The following DENND1A variants were observed in gnomAD, a reference collection of about 807,000 sequenced individuals.
DENND1A encodes DENN domain containing 1A, also known as DENN domain-containing protein 1A.
Under a neutral mutation model 113.7 loss-of-function variants are expected in DENND1A, and 51 were observed. The ratio of observed to expected loss-of-function variants is 0.45; its 90% CI spans 0.36 to 0.57. DENND1A has a LOEUF of 0.57. Among genes scored for constraint, DENND1A ranks in the 20% least tolerant of loss-of-function variants. The pLI is 0.00. For missense variants in DENND1A, 1,258 were observed against 1,395.9 expected, an observed-to-expected ratio of 0.90 and a Z score of 1.57; for synonymous variants, 565 against 570.8, an observed-to-expected ratio of 0.99 and a Z score of 0.14.
In DENND1A at chr9:123,457,409, G is replaced by C. The variant is rs750371036; in HGVS notation, c.1125C>G (p.Leu375=). ...KQFIDGRLDL[L]NSGEGFSDVF... Reference sequence around the variant, plus strand: ...CATCACTGAAACCTTCGCCGGAATTGAGAAGATCTAATCGACCATCAATAA... The same window carrying C: ...CATCACTGAAACCTTCGCCGGAATTCAGAAGATCTAATCGACCATCAATAA... Residue 375 remains leucine (L), a synonymous_variant, in exon 15 of 24, where the codon CTC becomes CTG. Coordinates refer to ENST00000394215, the MANE Select transcript of DENND1A (RefSeq NM_001352964.2). 5.6e-6 allele frequency: 9 copies of C among 1,613,872 alleles called. No individual in the cohort carries two copies. The highest frequency in any genetic ancestry group is 6.8e-6 in the Non-Finnish European group (8 of 1,179,922).
At chr9:123,841,982 C>T (rs1427103545) in intron 2 of DENND1A, among the ~76,000 whole-genome samples, 1 of 152,148 alleles carries the variant, frequency 6.6e-6, no homozygotes. Context: ...ATTTCAGATA[C>T]TTTTCAGGCA....
chr9:123,519,281 T>C (rs1007293813), intron 13 of DENND1A, among the ~76,000 whole-genome samples: 4 of 152,204 alleles, frequency 2.6e-5, no homozygotes, highest in Admixed American at 6.5e-5. Flanking sequence ...GAGGGGATCA[T>C]CTGTCTCCAG....
chr9:123,583,013 T>C (rs1298911818), intron 12 of DENND1A, among the ~76,000 whole-genome samples, 156 bp downstream of exon 12: 1 of 152,206 alleles, frequency 6.6e-6, no homozygotes, highest in Admixed American at 6.5e-5. Flanking sequence ...TCCAACTTTC[T>C]ACACTGAGAC....
intron 5 of DENND1A, among the ~76,000 whole-genome samples, chr9:123,710,437 G>C (rs1008164866): frequency 5.3e-5 from 8 of 152,000 alleles, no homozygotes; most frequent in Non-Finnish European, 8.8e-5. Context: ...AGTTCAACAA[G>C]GCTACCACTC....
At chr9:123,517,435 C>T (rs1371905517) in intron 13 of DENND1A, among the ~76,000 whole-genome samples, 2 of 151,972 alleles carry the variant, frequency 1.3e-5, no homozygotes, top group Non-Finnish European at 2.9e-5. Flanking sequence ...GCCTGGCTAA[C>T]ATGGTGAAAT....
intron 13 of DENND1A, chr9:123,461,891 T>G (rs2048554220): frequency 6.9e-6 from 1 of 144,816 alleles, no homozygotes; most frequent in African/African-American, 2.5e-5. Context: ...GGGAAGAAAG[T>G]CTATCACATG....
At chr9:123,727,669 T>A (rs2067803207) in intron 5 of DENND1A, among the ~76,000 whole-genome samples, 1 of 151,986 alleles carries the variant, frequency 6.6e-6, no homozygotes, top group African/African-American at 2.4e-5. Context: ...AAACTTAGTA[T>A]TTAATTATTA....
chr9:123,760,709 G>A (rs1227250574), intron 4 of DENND1A, among the ~76,000 whole-genome samples: 2 of 152,170 alleles, frequency 1.3e-5, no homozygotes, highest in Admixed American at 1.3e-4. Context: ...GTTTTAAAGG[G>A]GGATTATATG....
intron 13 of DENND1A, among the ~76,000 whole-genome samples, chr9:123,553,213 T>C (rs1264042227): frequency 6.6e-6 from 1 of 152,114 alleles, no homozygotes; most frequent in East Asian, 1.9e-4. Context: ...GCCATGATCA[T>C]GCCACTCCAG....
chr9:123,840,080 T>C (rs1042444367), intron 2 of DENND1A, among the ~76,000 whole-genome samples: 7 of 144,194 alleles, frequency 4.9e-5, no homozygotes, highest in African/African-American at 1.9e-4. Context: ...CAAGTGTTTT[T>C]GTCTATTTTT....
At chr9:123,514,920 C>T (rs2053775321) in intron 13 of DENND1A, among the ~76,000 whole-genome samples, 2 of 152,152 alleles carry the variant, frequency 1.3e-5, no homozygotes. Flanking sequence ...GGGCTGACTC[C>T]AGATCTGAGA....
At chr9:123,923,660 C>T (rs557245660) in intron 1 of DENND1A, among the ~76,000 whole-genome samples, 121 of 152,322 alleles carry the variant, frequency 7.9e-4, no homozygotes, top group African/African-American at 2.8e-3. Context: ...TTTATCCTCA[C>T]TTTCAAGTCA....
rs138924204 is a variant in DENND1A, at chr9:123,488,543, C to T, written c.994-30646G>A. ...AAGATTAGTAAATACACAACCTCTA[C>T]TAATTTGGGGCTCAAGGGCTTATCC... is the stretch of plus-strand genomic sequence containing the variant. On this transcript the variant is annotated intron_variant, in intron 13 of 23. Transcript: ENST00000394215. Among the ~76,000 whole-genome samples the T allele has an allele frequency of 6.5e-3, 996 of 152,298 alleles. 15 individuals carry two copies. Among genetic ancestry groups the T allele is most frequent in the African/African-American group, 0.022 (914 of 41,556 alleles).
At chr9:123,853,164 G>A (rs937594671) in intron 2 of DENND1A, among the ~76,000 whole-genome samples, 1 of 150,156 alleles carries the variant, frequency 6.7e-6, no homozygotes, top group Non-Finnish European at 1.5e-5. Flanking sequence ...ATGATCCGCC[G>A]GTCTCAGCCT....
In DENND1A at chr9:123,379,789, G is replaced by C. The variant is rs1459799816; in HGVS notation, c.*1643C>G. On this transcript the variant is annotated 3_prime_UTR_variant, in exon 24 of 24. Transcript: ENST00000394215. ...CCCAGCCCCTCAGCACAGCCAGGGG[G>C]CCTTGGGGTACACACCCTCCTTCCC... 1 of 152,504 alleles carries C rather than the reference G, an allele frequency of 6.6e-6. No homozygotes were observed. The highest frequency in any genetic ancestry group is 6.5e-5 in the Admixed American group (1 of 15,294). 9.4% of individuals were successfully genotyped at this position (152,504 alleles called of 1,614,324 possible).
At chr9:123,879,820 A>G (rs1250762158) in intron 1 of DENND1A, among the ~76,000 whole-genome samples, 1 of 152,238 alleles carries the variant, frequency 6.6e-6, no homozygotes, top group Admixed American at 6.5e-5. Context: ...GGAACAGTGT[A>G]TCTCACTAGA....
chr9:123,769,407 T>C, intron 4 of DENND1A, 107 bp downstream of exon 4: 1 of 1,034,164 alleles, frequency 9.7e-7, no homozygotes, highest in Admixed American at 2.8e-5. Flanking sequence ...ACAGGTATCT[T>C]AAATCATGGT....
chr9:123,569,597 T>G (rs1233646010), intron 12 of DENND1A: 1 of 152,310 alleles, frequency 6.6e-6, no homozygotes, highest in African/African-American at 2.4e-5. Context: ...GCTCTCTTCC[T>G]GAATGAATGA....
chr9:123,738,541 A>G (rs1424779897), intron 5 of DENND1A, among the ~76,000 whole-genome samples: 1 of 151,894 alleles, frequency 6.6e-6, no homozygotes, highest in Non-Finnish European at 1.5e-5. Context: ...CAATACATCT[A>G]CATACTTTTC....
Sources: allele counts gnomAD v4.1 joint callset (sites outside exome capture counted in the v4.1 genomes callset), GRCh38; gene constraint gnomAD v4.1.1; transcripts MANE v1.5; gene names NCBI Gene and HGNC (gene_info 2026-07-23, HGNC 2026-07-21).